The following WDR19 variants were observed in gnomAD, a reference collection of about 807,000 sequenced individuals.
WDR19 encodes WD repeat domain 19, also known as WD repeat-containing protein 19.
In WDR19, 121 loss-of-function variants were observed where a neutral mutation model predicts 180.0. That is an observed-to-expected ratio of 0.67 (90% confidence interval 0.58 to 0.78). The LOEUF (loss-of-function observed/expected upper bound fraction) is 0.78, where lower values mean the gene tolerates loss of function less well. Among genes scored for constraint, WDR19 ranks in the 30% least tolerant of loss-of-function variants. The pLI, the probability that WDR19 is intolerant of heterozygous loss-of-function variation, is 0.00. For missense variants in WDR19, 1,450 were observed against 1,640.7 expected (o/e 0.88, Z 2.01); for synonymous variants, 497 against 540.7 (o/e 0.92, Z 1.12).
chr4:39,258,238 C>T (rs965715695), intron 28 of WDR19, among the ~76,000 whole-genome samples: 12 of 152,052 alleles, frequency 7.9e-5, no homozygotes, highest in Admixed American at 1.3e-4. Flanking sequence ...CTGCAACCTC[C>T]GCCTTCCAGT....
intron 23 of WDR19, among the ~76,000 whole-genome samples, 173 bp downstream of exon 23, chr4:39,244,725 T>C (rs1048701855): frequency 6.6e-6 from 1 of 152,146 alleles, no homozygotes; most frequent in African/African-American, 2.4e-5. Flanking sequence ...TAGTTCTTTT[T>C]CCAAAGAATA....
intron 24 of WDR19, among the ~76,000 whole-genome samples, chr4:39,247,382 G>A (rs1412270979): frequency 1.3e-5 from 2 of 152,076 alleles, no homozygotes; most frequent in African/African-American, 2.4e-5. Flanking sequence ...GACCAAAGGT[G>A]GATAAAACCA....
At chr4:39,186,798 C>T (rs973651923) in intron 3 of WDR19, among the ~76,000 whole-genome samples, 194 bp downstream of exon 3, 9 of 152,070 alleles carry the variant, frequency 5.9e-5, no homozygotes, top group Non-Finnish European at 1.2e-4. Context: ...TCTATAAACA[C>T]CCATATACTC....
chr4:39,203,424 C>T (rs1459591113), intron 6 of WDR19, among the ~76,000 whole-genome samples: 1 of 151,980 alleles, frequency 6.6e-6, no homozygotes, highest in Non-Finnish European at 1.5e-5. Flanking sequence ...GCTGATGGTC[C>T]CTGTAAATTT....
In WDR19 at chr4:39,281,236, T is replaced by TAGAGAG. The variant is rs1553919999; in HGVS notation, c.*13+2595_*13+2600dup. 6.4e-3 allele frequency among the ~76,000 whole-genome samples: 662 copies of TAGAGAG among 104,004 alleles called. 16 individuals are homozygous for TAGAGAG. Among genetic ancestry groups the TAGAGAG allele is most frequent in the African/African-American group, 0.024 (473 of 19,330 alleles). The allele number at this position is 104,004 out of a possible 152,430, so 68.2% of individuals were successfully genotyped here. ...GTGTGTATATATATATATATATATA[T>TAGAGAG]AGAGAGAGAGAGAGAGAGAGAGAGA... On this transcript the variant is annotated intron_variant, in intron 36 of 36. Coordinates refer to ENST00000399820, the MANE Select transcript of WDR19 (RefSeq NM_025132.4).
intron 28 of WDR19, among the ~76,000 whole-genome samples, chr4:39,257,810 G>T (rs1168366544): frequency 1.3e-5 from 2 of 151,528 alleles, no homozygotes; most frequent in African/African-American, 4.9e-5. Flanking sequence ...GTGTCTAAAA[G>T]ATAAGAACCT....
chr4:39,228,144 C>T, intron 15 of WDR19, 66 bp from the exon 16 acceptor site: 1 of 1,575,030 alleles, frequency 6.3e-7, no homozygotes, highest in South Asian at 1.2e-5. Context: ...AAACAGGCTT[C>T]TACCACGGCA....
chr4:39,238,549 C>T (rs2109388376), intron 20 of WDR19, among the ~76,000 whole-genome samples: 1 of 152,294 alleles, frequency 6.6e-6, no homozygotes, highest in East Asian at 1.9e-4. Context: ...AATGTCTCCT[C>T]CCTATTCTCA....
intron 7 of WDR19, among the ~76,000 whole-genome samples, chr4:39,204,401 G>A (rs1481294913): frequency 3.3e-5 from 5 of 152,030 alleles, no homozygotes; most frequent in Non-Finnish European, 7.4e-5. Flanking sequence ...GTAGCTTTTG[G>A]TTAATACTTA....
chr4:39,241,450 C>T (rs1302663940), intron 21 of WDR19, among the ~76,000 whole-genome samples: 3 of 143,802 alleles, frequency 2.1e-5, no homozygotes, highest in Non-Finnish European at 3.0e-5. Flanking sequence ...GCTGAGATTG[C>T]GCCATTGCAC....
intron 24 of WDR19, among the ~76,000 whole-genome samples, chr4:39,251,453 A>G (rs1214083390): frequency 6.6e-6 from 1 of 151,516 alleles, no homozygotes; most frequent in African/African-American, 2.4e-5. Context: ...AGGCATGGGC[A>G]AGGACTTCAT....
At chr4:39,227,869 A>G (rs1373489533) in intron 15 of WDR19, among the ~76,000 whole-genome samples, 1 of 152,212 alleles carries the variant, frequency 6.6e-6, no homozygotes, top group African/African-American at 2.4e-5. Context: ...ATTTCTAAAC[A>G]CAAGTACAAG....
chr4:39,279,617 GCACCCTCTTA>G (rs1320382198), intron 36 of WDR19, among the ~76,000 whole-genome samples: 3 of 151,522 alleles, frequency 2.0e-5, no homozygotes, highest in Non-Finnish European at 4.4e-5. Context: ...CACAGAAGTT[GCACCCTCTTA>G]CATTCCCACC....
chr4:39,188,795 A>G (rs1362259454), intron 3 of WDR19, among the ~76,000 whole-genome samples: 1 of 151,994 alleles, frequency 6.6e-6, no homozygotes, highest in African/African-American at 2.4e-5. Context: ...GTGTTTCCCA[A>G]GCTGGAGTAC....
At chr4:39,280,141 TAA>T (rs1736353761) in intron 36 of WDR19, among the ~76,000 whole-genome samples, 37 of 88,382 alleles carry the variant, frequency 4.2e-4, no homozygotes, top group Admixed American at 1.0e-3. Context: ...TTTTTTTTTT[TAA>T]TAGAGGCAGG....
At chr4:39,270,621 G>A (rs527945591) in intron 31 of WDR19, among the ~76,000 whole-genome samples, 10 of 151,958 alleles carry the variant, frequency 6.6e-5, no homozygotes, top group African/African-American at 9.7e-5. Context: ...CAAGTGATCC[G>A]CCCGCCTTGG....
chr4:39,199,194 A>G (rs1178867551), intron 5 of WDR19, among the ~76,000 whole-genome samples: 1 of 152,184 alleles, frequency 6.6e-6, no homozygotes, highest in East Asian at 1.9e-4. Flanking sequence ...TTATCTTTGC[A>G]GGTTTGGTTA....
chr4:39,275,254 T>G, intron 33 of WDR19: 1 of 364,940 alleles, frequency 2.7e-6, no homozygotes, highest in Non-Finnish European at 5.3e-6. Context: ...GCAGGAGAAT[T>G]GCTTGAACCC....
chr4:39,274,511 A>G (rs1735704820), intron 32 of WDR19: 1 of 328,320 alleles, frequency 3.0e-6, no homozygotes, highest in Admixed American at 4.3e-5. Context: ...GTCAGATGCA[A>G]AAAATATCTA....
Sources: allele counts gnomAD v4.1 joint callset (sites outside exome capture counted in the v4.1 genomes callset), GRCh38; gene constraint gnomAD v4.1.1; transcripts MANE v1.5; gene names NCBI Gene and HGNC (gene_info 2026-07-23, HGNC 2026-07-21).